Variants in CLIP1 observed in about 807,000 individuals in gnomAD.
The protein encoded by CLIP1 is CAP-Gly domain-containing linker protein 1.
Under a neutral mutation model 161.6 loss-of-function variants are expected in CLIP1, and 66 were observed. The ratio of observed to expected loss-of-function variants is 0.41; its 90% CI spans 0.33 to 0.50. The LOEUF is 0.50. Ranked by LOEUF, CLIP1 falls within the 20% of genes least tolerant of loss-of-function variation. The pLI is 0.27. For missense variants in CLIP1, 1,376 were observed against 1,702.0 expected, an observed-to-expected ratio of 0.81 and a Z score of 3.37; for synonymous variants, 598 against 626.2, an observed-to-expected ratio of 0.96 and a Z score of 0.67.
intron 12 of CLIP1, among the ~76,000 whole-genome samples, chr12:122,335,544 C>T (rs1002889775): frequency 2.6e-5 from 4 of 152,066 alleles, no homozygotes; most frequent in African/African-American, 4.8e-5. Context: ...CAGTAGCTCA[C>T]GCCTATAATC....
intron 20 of CLIP1, among the ~76,000 whole-genome samples, chr12:122,295,351 C>A (rs570815709): frequency 3.9e-5 from 6 of 152,148 alleles, no homozygotes; most frequent in African/African-American, 1.4e-4. Context: ...GCCTGGGGAA[C>A]AGAGTGAGAC....
At chr12:122,292,323 T>G (rs144440618) in intron 20 of CLIP1, among the ~76,000 whole-genome samples, 6 of 152,250 alleles carry the variant, frequency 3.9e-5, no homozygotes, top group African/African-American at 1.4e-4. Context: ...TATTAATACC[T>G]GTTTAGATTC....
chr12:122,279,521 T>C lies in CLIP1; in HGVS notation c.3648-376A>G, dbSNP rs943860376. 6.5e-6 allele frequency: 1 copy of C among 154,048 alleles called. No individual in the cohort carries two copies. The highest frequency in any genetic ancestry group is 2.4e-5 in the African/African-American group (1 of 41,506). The allele number at this position is 154,048 out of a possible 1,614,324, so 9.5% of individuals were successfully genotyped here. On this transcript the variant is annotated intron_variant, in intron 21 of 25. Transcript: ENST00000620786. The surrounding 1 kb of genome is among the most constrained non-coding windows in gnomAD (Gnocchi z 4.5). Reference sequence around the variant, plus strand: ...GTTTGTTAATTCTTGAATAAATTATTACCAAGCAATAACGACAATTAAAAT... The same window carrying C: ...GTTTGTTAATTCTTGAATAAATTATCACCAAGCAATAACGACAATTAAAAT...
chr12:122,278,987 G>A, intron 22 of CLIP1, 41 bp downstream of exon 22: 1 of 1,606,280 alleles, frequency 6.2e-7, no homozygotes, highest in Non-Finnish European at 8.5e-7. Context: ...TGAACGAAAG[G>A]AGGCCGCGTG....
At chr12:122,416,647 T>C (rs1956767570) in intron 1 of CLIP1, among the ~76,000 whole-genome samples, 1 of 152,236 alleles carries the variant, frequency 6.6e-6, no homozygotes, top group Non-Finnish European at 1.5e-5. Flanking sequence ...ACACCTGTAA[T>C]CCCAGCACTT....
Position 122,332,980 on chromosome 12 carries a change from C to A in CLIP1, c.2867+7G>T. 6.2e-7 allele frequency: 1 copy of A among 1,612,466 alleles called. No homozygotes were observed. Among genetic ancestry groups the A allele is most frequent in the Non-Finnish European group, 8.5e-7 (1 of 1,179,332 alleles). On this transcript the variant is annotated splice_region_variant and intron_variant, in intron 15 of 25. Coordinates refer to ENST00000620786, the MANE Select transcript of CLIP1 (RefSeq NM_001247997.2). ...AGGTCAGCACTCTTTTCAACAGTCA[C>A]ATATACCTTTCTTTCAGACGTAATT...
At position 122,323,967 on chromosome 12, in the gene CLIP1, T is replaced by A. The variant is rs997628044; in HGVS notation, c.3249+3980A>T. The A allele has an allele frequency of 2.6e-5, 4 of 152,668 alleles. No individual in the cohort carries two copies. Among genetic ancestry groups the A allele is most frequent in the African/African-American group, 7.2e-5 (3 of 41,464 alleles). The allele number at this position is 152,668 out of a possible 1,614,324, so 9.5% of individuals were successfully genotyped here. On this transcript the variant is annotated intron_variant, in intron 17 of 25. Transcript: ENST00000620786. This position sits in a 1 kb window ranked among gnomAD's most constrained non-coding sequence, Gnocchi z 4.1. ...TCTTTGCTGAGCTGGAGCTCTTCAA[T>A]GAGTGCCTGCATGCTCACCTTGGAA...
At chr12:122,354,095 C>CCT (rs1284699125) in intron 7 of CLIP1, among the ~76,000 whole-genome samples, 7 of 151,862 alleles carry the variant, frequency 4.6e-5, no homozygotes, top group African/African-American at 1.7e-4. Context: ...CTTCTGAGGT[C>CCT]ATTGAAAATG....
chr12:122,350,097 G>A (rs1952957054), intron 9 of CLIP1, among the ~76,000 whole-genome samples: 1 of 151,626 alleles, frequency 6.6e-6, no homozygotes, highest in Admixed American at 6.6e-5. Flanking sequence ...TAGAGACAGG[G>A]TTTCACCATG....
chr12:122,278,861 G>C lies in CLIP1; in HGVS notation c.3847C>G (p.Leu1283Val). ...VQTLESDKVKLELKVKNLELQ... is the reference protein window; with the variant it reads ...VQTLESDKVKVELKVKNLELQ... ...TCCAAGTTCTTTACCTTGAGCTCGA[G>C]CTTCACCTTATCAGACTCTAGAGTC... is the stretch of plus-strand genomic sequence containing the variant. Residue 1283 changes from leucine (L) to valine (V), a missense_variant, in exon 23 of 26, where the codon CTC becomes GTC. Physicochemically the swap from Leu to Val is conservative, Grantham distance 32. Coordinates refer to ENST00000620786, the MANE Select transcript of CLIP1 (RefSeq NM_001247997.2). The C allele has an allele frequency of 6.2e-7, 1 of 1,613,150 alleles. No homozygotes were observed. The highest frequency in any genetic ancestry group is 1.1e-5 in the South Asian group (1 of 90,962).
intron 1 of CLIP1, among the ~76,000 whole-genome samples, chr12:122,407,894 A>G (rs1200055425): frequency 6.6e-6 from 1 of 152,062 alleles, no homozygotes; most frequent in Non-Finnish European, 1.5e-5. Flanking sequence ...GCTCTGAACA[A>G]GAAAAGGGTA....
chr12:122,320,136 TG>T (rs1473307842), intron 17 of CLIP1, among the ~76,000 whole-genome samples: 1 of 151,506 alleles, frequency 6.6e-6, no homozygotes, highest in Non-Finnish European at 1.5e-5. Context: ...TAGCTGGCCG[TG>T]GTGGCGGGTG....
At chr12:122,331,068 G>T (rs1316607917) in intron 15 of CLIP1, among the ~76,000 whole-genome samples, 1 of 151,398 alleles carries the variant, frequency 6.6e-6, no homozygotes, top group Non-Finnish European at 1.5e-5. Flanking sequence ...AGGCTGGAGT[G>T]CAATGGCACT....
chr12:122,284,425 G>A (rs1036622506), intron 21 of CLIP1, among the ~76,000 whole-genome samples: 4 of 151,454 alleles, frequency 2.6e-5, no homozygotes, highest in Non-Finnish European at 5.9e-5. Context: ...CGATCTCGGC[G>A]CACTGCAACC....
intron 20 of CLIP1, among the ~76,000 whole-genome samples, chr12:122,302,671 CA>C (rs1362364652): frequency 6.6e-6 from 1 of 151,684 alleles, no homozygotes; most frequent in Non-Finnish European, 1.5e-5. Context: ...GGTCTCGGCT[CA>C]CTGCAACCTC....
At chr12:122,342,324 T>C (rs1952545541) in intron 10 of CLIP1, 1 of 152,228 alleles carries the variant, frequency 6.6e-6, no homozygotes, top group Non-Finnish European at 1.5e-5. Flanking sequence ...AACATTTCCT[T>C]ATTTTGCCAG....
intron 1 of CLIP1, chr12:122,400,418 C>G (rs1255423892): frequency 6.6e-6 from 1 of 152,202 alleles, no homozygotes; most frequent in East Asian, 1.9e-4. Flanking sequence ...AGCTTAAGGT[C>G]CTTGGACGGG....
chr12:122,385,282 C>T (rs559509544), intron 1 of CLIP1, among the ~76,000 whole-genome samples: 7 of 152,152 alleles, frequency 4.6e-5, no homozygotes, highest in Admixed American at 3.9e-4. Flanking sequence ...TGGGACAGGA[C>T]ATCTGAGATG....
At chr12:122,285,989 C>T (rs1280818826) in intron 21 of CLIP1, among the ~76,000 whole-genome samples, 2 of 151,648 alleles carry the variant, frequency 1.3e-5, no homozygotes, top group East Asian at 3.9e-4. Context: ...TTTCAAGTTC[C>T]CTGGAGAACA....
Sources: gnomAD v4.1 joint callset for allele counts (sites outside exome capture counted in the v4.1 genomes callset) on GRCh38, gnomAD v4.1.1 for gene constraint, Gnocchi (gnomAD v3.1) non-coding constraint, MANE v1.5 for transcripts, NCBI Gene and HGNC (gene_info 2026-07-23, HGNC 2026-07-21) for gene names.